KRT8: variants seen among roughly 807,000 people sequenced by gnomAD.
KRT8 encodes the protein keratin, type II cytoskeletal 8.
KRT8 carries 24 observed loss-of-function variants against 43.0 expected under a neutral mutation model. The ratio of observed to expected loss-of-function variants is 0.56; its 90% CI spans 0.40 to 0.78. KRT8 has a LOEUF of 0.78. Ranked by LOEUF, KRT8 falls within the 30% of genes least tolerant of loss-of-function variation. The probability of loss-of-function intolerance (pLI) is 0.00; values close to 1 mark genes in which losing one functional copy is unlikely to be tolerated. For synonymous variants in KRT8, 214 were observed against 261.2 expected (o/e 0.82, Z 1.74); for missense variants, 492 against 638.4 (o/e 0.77, Z 2.47).
At chr12:52,918,875 C>T (rs990626838) in intron 2 of KRT8, among the ~76,000 whole-genome samples, 4 of 152,026 alleles carry the variant, frequency 2.6e-5, no homozygotes, top group African/African-American at 9.7e-5. Context: ...ATACATTTGC[C>T]TTGTGAGAGT....
chr12:52,948,915 G>A, intron 2 of KRT8: 1 of 435,156 alleles, frequency 2.3e-6, no homozygotes, highest in Non-Finnish European at 4.0e-6. Context: ...GTCCATGCCC[G>A]GTTGGCCACC....
At chr12:52,930,002 T>C (rs1477867586) in intron 2 of KRT8, among the ~76,000 whole-genome samples, 1 of 152,184 alleles carries the variant, frequency 6.6e-6, no homozygotes, top group Non-Finnish European at 1.5e-5. Flanking sequence ...CTGGTGGACA[T>C]CACTGCCTCC....
At chr12:52,916,563 T>C (rs1941744742) in intron 2 of KRT8, among the ~76,000 whole-genome samples, 1 of 152,168 alleles carries the variant, frequency 6.6e-6, no homozygotes, top group Non-Finnish European at 1.5e-5. Flanking sequence ...CTGTGTCTGG[T>C]TCCTGTCTCA....
At chr12:52,938,187 T>TTA (rs1325847485) in intron 2 of KRT8, among the ~76,000 whole-genome samples, 1 of 64,408 alleles carries the variant, frequency 1.6e-5, no homozygotes, top group East Asian at 5.5e-4. Flanking sequence ...TTTTTTTTTA[T>TTA]ATATAAGGTC....
chr12:52,907,061 G>A (rs191063307), upstream of KRT8: 13 of 241,236 alleles, frequency 5.4e-5, no homozygotes, highest in Non-Finnish European at 5.8e-5. Flanking sequence ...TCCCAAGAGC[G>A]GGCACAGTGA....
At chr12:52,906,753 G>A (rs140730983), upstream of KRT8, 1,753 of 455,964 alleles carry the variant, frequency 3.8e-3, 29 homozygotes, top group Admixed American at 0.033. Context: ...ATCCCCTTGA[G>A]GAGAGGGACA....
At chr12:52,929,203 T>G (rs1592181441) in intron 2 of KRT8, among the ~76,000 whole-genome samples, 1 of 151,298 alleles carries the variant, frequency 6.6e-6, no homozygotes, top group South Asian at 2.1e-4. Context: ...TTTTTTTTTT[T>G]TTTCCAGATT....
At chr12:52,938,172 T>TGTA (rs1565733045) in intron 2 of KRT8, among the ~76,000 whole-genome samples, 1 of 22,418 alleles carries the variant, frequency 4.5e-5, no homozygotes, top group African/African-American at 1.7e-4. Flanking sequence ...ATATATATAT[T>TGTA]TTTTTTTTTT....
At chr12:52,936,106 G>A (rs1942165607) in intron 2 of KRT8, among the ~76,000 whole-genome samples, 1 of 152,052 alleles carries the variant, frequency 6.6e-6, no homozygotes, top group African/African-American at 2.4e-5. Flanking sequence ...ACAAAAATTA[G>A]CCGGGCATGG....
upstream of KRT8, among the ~76,000 whole-genome samples, chr12:52,905,876 G>A (rs10431541): frequency 0.15 from 22,656 of 151,986 alleles, 2,456 homozygotes; most frequent in East Asian, 0.49. Context: ...GGCGGATCAC[G>A]AGGTCAGGAG....
upstream of KRT8, chr12:52,906,886 C>T (rs1347931096): frequency 2.4e-6 from 1 of 409,826 alleles, no homozygotes; most frequent in African/African-American, 2.1e-5. Flanking sequence ...CACATAGGAC[C>T]CCTACCCAGA....
chr12:52,908,733 A>C (rs945401223), upstream of KRT8, among the ~76,000 whole-genome samples: 2 of 152,172 alleles, frequency 1.3e-5, no homozygotes, highest in African/African-American at 4.8e-5. Context: ...GTGGGCAGGC[A>C]CAATGGCTCT....
intron 2 of KRT8, among the ~76,000 whole-genome samples, chr12:52,915,358 A>T (rs1179703665): frequency 6.7e-6 from 1 of 149,812 alleles, no homozygotes; most frequent in Non-Finnish European, 1.5e-5. Flanking sequence ...TGGGCAACAG[A>T]GCAAGACTCC....
chr12:52,924,960 G>A (rs1490412447), intron 2 of KRT8, among the ~76,000 whole-genome samples: 1 of 152,224 alleles, frequency 6.6e-6, no homozygotes, highest in Non-Finnish European at 1.5e-5. Flanking sequence ...AGAAATGAGT[G>A]ACCAGGAATG....
At chr12:52,904,540 G>GC in intron 1 of KRT8, 118 bp downstream of exon 1, 1 of 956,794 alleles carries the variant, frequency 1.0e-6, no homozygotes. Flanking sequence ...GGAGAGTGTC[G>GC]CCAGGGCGGG....
chr12:52,931,998 T>C (rs1399398846), intron 2 of KRT8, among the ~76,000 whole-genome samples: 1 of 152,052 alleles, frequency 6.6e-6, no homozygotes, highest in Non-Finnish European at 1.5e-5. Context: ...AGATTTGCCA[T>C]GTTGCCCAGG....
chr12:52,909,196 A>G (rs1466133347), upstream of KRT8, among the ~76,000 whole-genome samples: 5 of 152,214 alleles, frequency 3.3e-5, no homozygotes, highest in African/African-American at 1.2e-4. Flanking sequence ...TATAAAAAGC[A>G]GGGGCTTTGT....
upstream of KRT8, chr12:52,906,991 T>TACACACAC (rs112479898): frequency 9.6e-5 from 28 of 292,590 alleles, no homozygotes; most frequent in Middle Eastern, 2.5e-3. Flanking sequence ...CACGCGTGCA[T>TACACACAC]ACACACACAC....
rs576751042 is a variant in KRT8, at chr12:52,932,816, C to A, written c.-47+16640G>T. Among the ~76,000 whole-genome samples, 954 of 151,408 alleles carry A rather than the reference C, an allele frequency of 6.3e-3. 11 individuals carry two copies. The highest frequency in any genetic ancestry group is 0.022 in the African/African-American group (903 of 41,240). On this transcript the variant is annotated intron_variant, in intron 2 of 6. Transcript: ENST00000546826. ...GGCTGTGTCTATAATAAAAAAAAAACAAAAACAAAAAAATCCTGAAGAACC... is the reference window on the plus strand; with the variant it reads ...GGCTGTGTCTATAATAAAAAAAAAAAAAAAACAAAAAAATCCTGAAGAACC...
Sources: allele counts gnomAD v4.1 joint callset (sites outside exome capture counted in the v4.1 genomes callset), GRCh38; gene constraint gnomAD v4.1.1; transcripts MANE v1.5; gene names NCBI Gene and HGNC (gene_info 2026-07-23, HGNC 2026-07-21).